Variants in PWWP2A observed in about 807,000 individuals in gnomAD.
PWWP2A encodes PWWP domain-containing protein 2A.
A neutral mutation model predicts 48.5 loss-of-function variants in PWWP2A; 18 were observed. The ratio of observed to expected loss-of-function variants is 0.37; its 90% CI spans 0.26 to 0.55. PWWP2A has a LOEUF of 0.55. Ranked by LOEUF, PWWP2A falls within the 20% of genes least tolerant of loss-of-function variation. The pLI is 0.81. For missense variants in PWWP2A, 867 were observed against 976.4 expected, an observed-to-expected ratio of 0.89 and a Z score of 1.49; for synonymous variants, 396 against 387.7, an observed-to-expected ratio of 1.02 and a Z score of -0.25.
chr5:160,089,832 G>A, downstream of PWWP2A: 1 of 985,292 alleles, frequency 1.0e-6, no homozygotes, highest in Non-Finnish European at 1.2e-6. Flanking sequence ...TCCATATCAA[G>A]AATAAGTGCC....
chr5:160,114,201 C>T (rs1318208861), intron 1 of PWWP2A, among the ~76,000 whole-genome samples: 1 of 152,186 alleles, frequency 6.6e-6, no homozygotes, highest in East Asian at 1.9e-4. Context: ...GTAATCCCAA[C>T]ACTTTGGGAG....
chr5:160,119,176 T>TGGC lies in PWWP2A; in HGVS notation c.210_212dup (p.Pro75dup). 1 of 1,508,452 alleles carries TGGC rather than the reference T, an allele frequency of 6.6e-7. No individual in the cohort carries two copies. Among genetic ancestry groups the TGGC allele is most frequent in the Non-Finnish European group, 8.7e-7 (1 of 1,145,008 alleles). The allele number at this position is 1,508,452 out of a possible 1,614,324, so 93.4% of individuals were successfully genotyped here. A position where few individuals can be genotyped will look rare whatever the true frequency, so the allele number is the denominator to read the frequency against. On this transcript the variant is annotated inframe_insertion, in exon 1 of 2. Transcript: ENST00000307063. ...GGGCGAGCTCCCCCGGCGGCGGCGG[T>TGGC]GGCGGCGGGAGCGGCGGCTCGTCGG...
At chr5:160,090,894 T>C (rs1755005100), downstream of PWWP2A, 1 of 984,506 alleles carries the variant, frequency 1.0e-6, no homozygotes, top group Non-Finnish European at 1.2e-6. Flanking sequence ...AAGCTAAAAA[T>C]GGAAAATAAG....
chr5:160,077,365 A>G lies in PWWP2A; in HGVS notation c.*790T>C, dbSNP rs1753941756. The G allele has an allele frequency of 6.6e-6, 1 of 152,246 alleles. No homozygotes were observed. The highest frequency in any genetic ancestry group is 2.4e-5 in the African/African-American group (1 of 41,468). 9.4% of individuals were successfully genotyped at this position (152,246 alleles called of 1,614,324 possible). On this transcript the variant is annotated 3_prime_UTR_variant, in exon 4 of 4. Transcript: ENST00000456329. The surrounding 1 kb of genome is among the most constrained non-coding windows in gnomAD (Gnocchi z 4.2). ...AGAATTAAGAACTAGCTCTTGGAGT[A>G]TATACATTTGCACTCCAATATCAAC...
chr5:160,119,335 C>A lies in PWWP2A; in HGVS notation c.54G>T (p.Gly18=). ...AAATAASPGE[G]GAGEAEPEME... is the part of the protein sequence containing the mutation. ...TCTCCGGCTCGGCCTCGCCGGCGCC[C>A]CCCTCCCCGGGGGACGCTGCAGTCG... The change falls in exon 1 of 2, where the codon GGG becomes GGT. Residue 18 remains glycine (G), a synonymous_variant. Coordinates refer to ENST00000307063, the MANE Select transcript of PWWP2A (RefSeq NM_001130864.2). 1 of 1,390,320 alleles carries A rather than the reference C, an allele frequency of 7.2e-7. No homozygotes were observed. 86.1% of individuals were successfully genotyped at this position (1,390,320 alleles called of 1,614,324 possible).
At chr5:160,116,127 C>T (rs559402871) in intron 1 of PWWP2A, among the ~76,000 whole-genome samples, 6 of 152,268 alleles carry the variant, frequency 3.9e-5, no homozygotes, top group Non-Finnish European at 7.4e-5. Context: ...GTGATCTTAG[C>T]TACTGTAACC....
At chr5:160,065,229 G>A (rs1753570285) in intron 4 of PWWP2A, 3 of 971,704 alleles carry the variant, frequency 3.1e-6, no homozygotes, top group South Asian at 2.8e-5. Context: ...TGATCAGGGT[G>A]AAATGTACTT....
intron 2 of PWWP2A, among the ~76,000 whole-genome samples, chr5:160,070,605 C>A (rs1753718873): frequency 6.6e-6 from 1 of 152,198 alleles, no homozygotes; most frequent in African/African-American, 2.4e-5. Context: ...GCAAAACACA[C>A]ATCATCTCAC....
chr5:160,119,228 G>C lies in PWWP2A; in HGVS notation c.161C>G (p.Thr54Ser), dbSNP rs750636730. 7.0e-7 allele frequency: 1 copy of C among 1,437,164 alleles called. No homozygotes were observed. Among genetic ancestry groups the C allele is most frequent in the Non-Finnish European group, 9.0e-7 (1 of 1,108,416 alleles). 89.0% of individuals were successfully genotyped at this position (1,437,164 alleles called of 1,614,324 possible). A position where few individuals can be genotyped will look rare whatever the true frequency, so the allele number is the denominator to read the frequency against. ...CTGAGGAGCGGATTGCTGCCCGTCA[G>C]TCTCGCCATCCGGCACAGACGCTTC... ...ATEASVPDGE[T>S]DGQQSAPQAD... The change falls in exon 1 of 2, where the codon ACT becomes AGT. Residue 54 changes from threonine (T) to serine (S), a missense_variant. Thr to Ser is a moderately conservative substitution (Grantham distance 58, BLOSUM62 1). Transcript: ENST00000307063.
chr5:160,061,680 A>AGT (rs1753414207), downstream of PWWP2A: 2 of 151,978 alleles, frequency 1.3e-5, no homozygotes, highest in South Asian at 4.2e-4. Flanking sequence ...TTCCCCCTTA[A>AGT]GTGATGGTCG....
the PWWP2A span, among the ~76,000 whole-genome samples, chr5:160,046,169 AT>A: frequency 6.6e-6 from 1 of 151,838 alleles, no homozygotes; most frequent in Non-Finnish European, 1.5e-5. Context: ...GTCTTATCCT[AT>A]TTTTCTCCTT....
At position 160,078,824 on chromosome 5, in the gene PWWP2A, G is replaced by A. The variant is rs1311744456; in HGVS notation, c.1670-656C>T. ...CGGACCAGTATCCCTTGTTACACCA[G>A]CAAACGTGATTCTCAGCAGAGGCCT... On this transcript the variant is annotated intron_variant, in intron 3 of 3. Transcript: ENST00000456329. The surrounding 1 kb of genome is among the most constrained non-coding windows in gnomAD (Gnocchi z 4.2). Among the ~76,000 whole-genome samples the A allele has an allele frequency of 2.0e-5, 3 of 152,292 alleles. No homozygotes were observed. Among genetic ancestry groups the A allele is most frequent in the Non-Finnish European group, 4.4e-5 (3 of 68,028 alleles).
intron 1 of PWWP2A, among the ~76,000 whole-genome samples, chr5:160,111,525 A>G (rs540060760): frequency 2.6e-5 from 4 of 151,676 alleles, no homozygotes; most frequent in Non-Finnish European, 5.9e-5. Flanking sequence ...TCCCAGGTAC[A>G]TGGGAGGCTG....
chr5:160,077,987 G>T lies in PWWP2A; in HGVS notation c.*168C>A. ...AAATATTCCCTAATACCTTTTCTTC[G>T]GTTTAAGACAGCACAATTTGCAAGT... On this transcript the variant is annotated 3_prime_UTR_variant, in exon 4 of 4. Coordinates refer to the PWWP2A transcript ENST00000456329. This position sits in a 1 kb window ranked among gnomAD's most constrained non-coding sequence, Gnocchi z 4.2. 9 of 517,288 alleles carry T rather than the reference G, an allele frequency of 1.7e-5. No homozygotes were observed. Among genetic ancestry groups the T allele is most frequent in the Non-Finnish European group, 2.4e-5 (7 of 286,688 alleles). 32.0% of individuals were successfully genotyped at this position (517,288 alleles called of 1,614,324 possible).
In PWWP2A at chr5:160,092,954, CAG is replaced by C; in HGVS notation, c.1694_1695del (p.Ser565CysfsTer11). ...TTCTTTTGATTTAGGGTCATATAAACAGAGATATTGTTTTTGCTGCCCTTTTT... is the reference window on the plus strand; with the variant it reads ...TTCTTTTGATTTAGGGTCATATAAACAGATATTGTTTTTGCTGCCCTTTTT... ...LGKKGSKNNI[S>X]VYMTLNQKKS... On this transcript the variant is annotated frameshift_variant, in exon 2 of 2. Coordinates refer to ENST00000307063, the MANE Select transcript of PWWP2A (RefSeq NM_001130864.2). LOFTEE classifies it high-confidence loss of function. 1 of 1,552,276 alleles carries C rather than the reference CAG, an allele frequency of 6.4e-7. No homozygotes were observed. Among genetic ancestry groups the C allele is most frequent in the Non-Finnish European group, 8.7e-7 (1 of 1,147,262 alleles).
At chr5:160,062,262 C>T (rs1239382350) in intron 5 of PWWP2A, among the ~76,000 whole-genome samples, 1 of 152,212 alleles carries the variant, frequency 6.6e-6, no homozygotes, top group African/African-American at 2.4e-5. Context: ...GCAGTCTTAG[C>T]TTGGAATGGT....
rs1384245751 is a variant in PWWP2A, at chr5:160,091,614, A to G, written c.*768T>C. Reference sequence around the variant, plus strand: ...AATCTGACCAAATTTAGCAATCACTATTTACAAATCCAAAATCAAACCTAT... The same window carrying G: ...AATCTGACCAAATTTAGCAATCACTGTTTACAAATCCAAAATCAAACCTAT... On this transcript the variant is annotated 3_prime_UTR_variant, in exon 2 of 2. Transcript: ENST00000307063. 1.0e-6 allele frequency: 1 copy of G among 983,632 alleles called. No homozygotes were observed. Among genetic ancestry groups the G allele is most frequent in the Non-Finnish European group, 1.2e-6 (1 of 829,292 alleles). 60.9% of individuals were successfully genotyped at this position (983,632 alleles called of 1,614,324 possible). A position where few individuals can be genotyped will look rare whatever the true frequency, so the allele number is the denominator to read the frequency against.
intron 1 of PWWP2A, among the ~76,000 whole-genome samples, chr5:160,109,606 A>T (rs1035603985): frequency 1.3e-5 from 2 of 151,310 alleles, no homozygotes; most frequent in Non-Finnish European, 2.9e-5. Context: ...GTTTGCCAGC[A>T]GGTAAGACAT....
At chr5:160,116,287 G>A (rs530200361) in intron 1 of PWWP2A, among the ~76,000 whole-genome samples, 7 of 152,050 alleles carry the variant, frequency 4.6e-5, no homozygotes, top group African/African-American at 1.4e-4. Context: ...GAACTCCTGC[G>A]CTCAAGTGAT....
Sources: gnomAD v4.1 joint callset for allele counts (sites outside exome capture counted in the v4.1 genomes callset) on GRCh38, gnomAD v4.1.1 for gene constraint, Gnocchi (gnomAD v3.1) non-coding constraint, MANE v1.5 for transcripts, NCBI Gene and HGNC (gene_info 2026-07-23, HGNC 2026-07-21) for gene names.